The following NSMCE4A variants were observed in gnomAD, a reference collection of about 807,000 sequenced individuals.
NSMCE4A encodes non-structural maintenance of chromosomes element 4 homolog A.
NSMCE4A carries 40 observed loss-of-function variants against 47.9 expected under a neutral mutation model. The ratio of observed to expected loss-of-function variants is 0.83; its 90% confidence interval spans 0.65 to 1.09. The LOEUF is 1.09. Among genes scored for constraint, NSMCE4A ranks in the 50% least tolerant of loss-of-function variants. The pLI is 0.00. For synonymous variants in NSMCE4A, 166 were observed against 178.5 expected (o/e 0.93, Z 0.56); for missense variants, 500 against 507.0 (o/e 0.99, Z 0.13).
chr10:121,975,192 A>G lies in NSMCE4A; in HGVS notation c.-27T>C. On this transcript the variant is annotated 5_prime_UTR_variant, in exon 1 of 11. Transcript: ENST00000369023. ...GCGCCAATTCACCGTGCAACTTCGG[A>G]ACGGCGGAAGTTCGCGCCAGAAACT... is the stretch of plus-strand genomic sequence containing the variant. The G allele has an allele frequency of 7.4e-7, 1 of 1,352,558 alleles. No homozygotes were observed. The highest frequency in any genetic ancestry group is 9.5e-7 in the Non-Finnish European group (1 of 1,057,714). 83.8% of individuals were successfully genotyped at this position (1,352,558 alleles called of 1,614,324 possible).
intron 3 of NSMCE4A, among the ~76,000 whole-genome samples, chr10:121,969,801 T>C (rs1485000631): frequency 1.3e-5 from 2 of 152,162 alleles, no homozygotes. Context: ...CTGCAACTTC[T>C]GCCTCCTGGG....
At position 121,960,939 on chromosome 10, in the gene NSMCE4A, A is replaced by T. The variant is rs1252872264; in HGVS notation, c.939+484T>A. Among the ~76,000 whole-genome samples the T allele has an allele frequency of 6.6e-6, 1 of 152,206 alleles. No homozygotes were observed. Among genetic ancestry groups the T allele is most frequent in the African/African-American group, 2.4e-5 (1 of 41,456 alleles). On this transcript the variant is annotated intron_variant, in intron 7 of 10. Transcript: ENST00000369023. The surrounding 1 kb of genome is among the most constrained non-coding windows in gnomAD (Gnocchi z 4.2). Reference sequence around the variant, plus strand: ...AATTTCAGACTTAAAGGGCTATAAGACTACTATAAACACGTGGCATATATC... The same window carrying T: ...AATTTCAGACTTAAAGGGCTATAAGTCTACTATAAACACGTGGCATATATC...
At chr10:121,958,619 G>A (rs1952441523) in intron 10 of NSMCE4A, among the ~76,000 whole-genome samples, 1 of 152,090 alleles carries the variant, frequency 6.6e-6, no homozygotes, top group South Asian at 2.1e-4. Context: ...TTTGTTGGGG[G>A]AAAAGCAGCA....
chr10:121,959,782 T>C (rs1186743634), intron 8 of NSMCE4A, 187 bp from the exon 9 acceptor site: 9 of 593,686 alleles, frequency 1.5e-5, no homozygotes, highest in Non-Finnish European at 6.0e-6. Context: ...AGTCATTCCA[T>C]CTGTTTCCAT....
chr10:121,969,501 T>TAAAAAA (rs35005382), intron 3 of NSMCE4A, among the ~76,000 whole-genome samples: 1 of 138,204 alleles, frequency 7.2e-6, no homozygotes, highest in Non-Finnish European at 1.5e-5. Flanking sequence ...AAAAAAAAGT[T>TAAAAAA]AAAAAAAAAA....
Position 121,973,941 on chromosome 10 carries a change from G to A in NSMCE4A, c.370+63C>T, listed in dbSNP as rs527628841. The A allele has an allele frequency of 8.4e-5, 94 of 1,116,976 alleles. No individual in the cohort carries two copies. In the African/African-American group the frequency reaches 1.3e-3, roughly 16 times the overall value. 69.2% of individuals were successfully genotyped at this position (1,116,976 alleles called of 1,614,324 possible). A position where few individuals can be genotyped will look rare whatever the true frequency, so the allele number is the denominator to read the frequency against. On this transcript the variant is annotated intron_variant, in intron 2 of 10. Coordinates refer to ENST00000369023, the MANE Select transcript of NSMCE4A (RefSeq NM_017615.3). The stretch of plus-strand genomic sequence containing the variant: ...AATTGTTTTATGTCAATAATTTGGC[G>A]CTTATGTAACACTAATTAAAAGTAT...
chr10:121,957,929 T>C (rs1952428600), intron 10 of NSMCE4A, among the ~76,000 whole-genome samples: 1 of 150,614 alleles, frequency 6.6e-6, no homozygotes, highest in Non-Finnish European at 1.5e-5. Flanking sequence ...ATTTATAGAT[T>C]AAAAAAAAAT....
In NSMCE4A at chr10:121,974,067, T is replaced by C; in HGVS notation, c.307A>G (p.Ile103Val). The stretch of plus-strand genomic sequence containing the variant: ...GTTAATTTGTCACCGGCATTCAGTA[T>C]GTCCTCACGGTTTTCTATTTTTAAA... ...INSVQQNREDILNAGDKLTEV... is the reference protein window; with the variant it reads ...INSVQQNREDVLNAGDKLTEV... Residue 103 changes from isoleucine to valine, a missense_variant, in exon 2 of 11, where the codon ATA becomes GTA. Coordinates refer to ENST00000369023, the MANE Select transcript of NSMCE4A (RefSeq NM_017615.3). The C allele has an allele frequency of 1.9e-6, 3 of 1,605,080 alleles. No individual in the cohort carries two copies. The East Asian group carries it at 6.7e-5, about 36-fold the overall frequency.
chr10:121,959,850 T>C, intron 8 of NSMCE4A: 1 of 510,420 alleles, frequency 2.0e-6, no homozygotes, highest in South Asian at 2.2e-5. Flanking sequence ...TGCATATCTA[T>C]GTGTCAACCA....
chr10:121,957,686 G>A (rs535338923), intron 10 of NSMCE4A, among the ~76,000 whole-genome samples: 5 of 151,442 alleles, frequency 3.3e-5, no homozygotes, highest in South Asian at 2.1e-4. Context: ...CGCCTGCCTC[G>A]CCCTCCCAAA....
chr10:121,961,750 A>C, intron 6 of NSMCE4A: 1 of 413,854 alleles, frequency 2.4e-6, no homozygotes, highest in South Asian at 5.3e-5. Context: ...TAACTGCACA[A>C]AATTACATAC....
chr10:121,974,626 C>T, intron 1 of NSMCE4A: 1 of 1,070,042 alleles, frequency 9.3e-7, no homozygotes, highest in Non-Finnish European at 1.1e-6. Flanking sequence ...CCGCGAACGG[C>T]TCTGGCCTCC....
At chr10:121,958,929 C>T (rs866692644) in intron 10 of NSMCE4A, among the ~76,000 whole-genome samples, 2 of 151,686 alleles carry the variant, frequency 1.3e-5, no homozygotes, top group Non-Finnish European at 2.9e-5. Flanking sequence ...ATTCTCCTGC[C>T]TCAGCCTCCT....
chr10:121,970,476 GA>G (rs57421744), intron 3 of NSMCE4A, among the ~76,000 whole-genome samples: 12,221 of 101,400 alleles, frequency 0.12, 413 homozygotes, highest in African/African-American at 0.19. Context: ...TGTCTCAAAG[GA>G]AAAAAAAAAA....
intron 2 of NSMCE4A, among the ~76,000 whole-genome samples, chr10:121,972,108 G>C (rs1279191880): frequency 6.6e-6 from 1 of 152,240 alleles, no homozygotes; most frequent in Non-Finnish European, 1.5e-5. Flanking sequence ...ATCACTTTGA[G>C]CTCCAAAGTT....
At chr10:121,970,916 A>G (rs1952695889) in intron 3 of NSMCE4A, 23 bp downstream of exon 3, 5 of 1,571,948 alleles carry the variant, frequency 3.2e-6, no homozygotes, top group Non-Finnish European at 4.3e-6. Flanking sequence ...TTTTTTATTC[A>G]GAGTCTGTAG....
chr10:121,969,159 A>G (rs545550393), intron 3 of NSMCE4A, among the ~76,000 whole-genome samples: 2 of 152,330 alleles, frequency 1.3e-5, no homozygotes, highest in South Asian at 2.1e-4. Context: ...CCTGGCCAAC[A>G]TGGCGAAACC....
chr10:121,962,553 T>C (rs1451101998), intron 6 of NSMCE4A, among the ~76,000 whole-genome samples: 3 of 151,840 alleles, frequency 2.0e-5, no homozygotes, highest in African/African-American at 7.3e-5. Flanking sequence ...AATGTCCACA[T>C]GGAAAAGTCA....
chr10:121,973,061 A>C (rs1033003416), intron 2 of NSMCE4A, among the ~76,000 whole-genome samples: 10 of 151,936 alleles, frequency 6.6e-5, no homozygotes, highest in African/African-American at 2.4e-4. Flanking sequence ...ACATGGCGAA[A>C]CCCGTCTCTA....
Sources: allele counts gnomAD v4.1 joint callset (sites outside exome capture counted in the v4.1 genomes callset), GRCh38; gene constraint gnomAD v4.1.1; non-coding constraint Gnocchi (gnomAD v3.1); transcripts MANE v1.5; gene names NCBI Gene and HGNC (gene_info 2026-07-23, HGNC 2026-07-21).